The following PCDHGA2 variants were observed in gnomAD, a reference collection of about 807,000 sequenced individuals.
The protein encoded by PCDHGA2 is protocadherin gamma-A2.
PCDHGA2 carries 40 observed loss-of-function variants against 59.2 expected under a neutral mutation model. The ratio of observed to expected loss-of-function variants is 0.68; its 90% CI spans 0.52 to 0.88. PCDHGA2 has a LOEUF of 0.88. Ranked by LOEUF, PCDHGA2 falls within the 40% of genes least tolerant of loss-of-function variation. PCDHGA2 has a pLI of 0.00. For synonymous variants in PCDHGA2, 560 were observed against 526.0 expected (o/e 1.06, Z -0.89); for missense variants, 1,226 against 1,204.0 (o/e 1.02, Z -0.27).
At chr5:141,345,627 G>A in intron 1 of PCDHGA2, 1 of 1,614,188 alleles carries the variant, frequency 6.2e-7, no homozygotes, top group South Asian at 1.1e-5. Context: ...AAAGCTACTG[G>A]TGACAGCCAG....
intron 1 of PCDHGA2, chr5:141,395,395 T>TA: frequency 1.1e-6 from 1 of 906,424 alleles, no homozygotes; most frequent in Non-Finnish European, 1.6e-6. Flanking sequence ...AATTGAACTC[T>TA]AATAGTCATA....
At chr5:141,414,143 T>C (rs887054185) in intron 1 of PCDHGA2, 1 of 1,597,122 alleles carries the variant, frequency 6.3e-7, no homozygotes, top group Non-Finnish European at 8.5e-7. Flanking sequence ...GAAATAGAAA[T>C]ACAAGCAGAA....
intron 1 of PCDHGA2, among the ~76,000 whole-genome samples, chr5:141,483,517 CCTGA>C (rs72004558): frequency 0.16 from 24,470 of 151,950 alleles, 2,064 homozygotes; most frequent in African/African-American, 0.21. Context: ...CCCCCTAGAT[CCTGA>C]CTAAGGAAGC....
intron 1 of PCDHGA2, chr5:141,360,597 T>G: frequency 6.2e-7 from 1 of 1,614,020 alleles, no homozygotes; most frequent in Non-Finnish European, 8.5e-7. Context: ...CATTTCCACT[T>G]GACCCAGCCC....
intron 1 of PCDHGA2, chr5:141,370,493 C>G (rs1766963233): frequency 5.6e-6 from 9 of 1,613,944 alleles, no homozygotes; most frequent in Non-Finnish European, 7.6e-6. Flanking sequence ...CCGAACCGAT[C>G]CGCTACGCTA....
At chr5:141,389,997 A>T (rs1278035747) in intron 1 of PCDHGA2, 1 of 1,613,962 alleles carries the variant, frequency 6.2e-7, no homozygotes, top group Non-Finnish European at 8.5e-7. Flanking sequence ...CCTCGTGGCC[A>T]TGATTCTGGC....
chr5:141,404,165 T>C, intron 1 of PCDHGA2: 1 of 1,613,246 alleles, frequency 6.2e-7, no homozygotes, highest in South Asian at 1.1e-5. Flanking sequence ...TTACAGATTG[T>C]TGACGGCCCA....
intron 1 of PCDHGA2, chr5:141,394,897 T>C (rs773335725): frequency 3.1e-6 from 5 of 1,613,682 alleles, no homozygotes; most frequent in Non-Finnish European, 4.2e-6. Flanking sequence ...TATCTCGTGG[T>C]GGCAGTGGCT....
In PCDHGA2 at chr5:141,394,383, C is replaced by G. The variant is rs2092989606; in HGVS notation, c.2424+52988C>G. The G allele has an allele frequency of 3.1e-6, 5 of 1,614,118 alleles. No homozygotes were observed. In the Admixed American group the frequency reaches 5.0e-5, roughly 16 times the overall value. ...TGCGCTGCAATCTTTCGACTATGAG[C>G]AGATCCGAGACCTGCAGCTACTGGT... On this transcript the variant is annotated intron_variant, in intron 1 of 3. Transcript: ENST00000394576.
Position 141,477,128 on chromosome 5 carries a change from G to C in PCDHGA2, c.2425-17679G>C. On this transcript the variant is annotated intron_variant, in intron 1 of 3. Transcript: ENST00000394576. The surrounding 1 kb of genome is among the most constrained non-coding windows in gnomAD (Gnocchi z 4.9). ...CAATCCCGAAGGAGCACATTGCAAA[G>C]TGTTGGTGGAGGTTGTGGATGTGAA... 1.9e-6 allele frequency: 3 copies of C among 1,614,250 alleles called. No homozygotes were observed. The highest frequency in any genetic ancestry group is 2.5e-6 in the Non-Finnish European group (3 of 1,180,046).
chr5:141,477,794 C>G lies in PCDHGA2; in HGVS notation c.2425-17013C>G, dbSNP rs148942362. The G allele has an allele frequency of 6.2e-7, 1 of 1,614,086 alleles. No individual in the cohort carries two copies. The highest frequency in any genetic ancestry group is 1.1e-5 in the South Asian group (1 of 91,082). On this transcript the variant is annotated intron_variant, in intron 1 of 3. Transcript: ENST00000394576. This position sits in a 1 kb window ranked among gnomAD's most constrained non-coding sequence, Gnocchi z 4.9. ...CAGCGTGAACATATTTGTCACTGAT[C>G]GCAATGACAATGCCCCCCAGGTCCT...
At chr5:141,497,013 A>G (rs2099773320) in intron 2 of PCDHGA2, among the ~76,000 whole-genome samples, 1 of 151,990 alleles carries the variant, frequency 6.6e-6, no homozygotes, top group Admixed American at 6.6e-5. Context: ...ACATGGTGAA[A>G]CCCCATCTCG....
At chr5:141,418,802 T>G (rs775155011) in intron 1 of PCDHGA2, 1 of 1,613,862 alleles carries the variant, frequency 6.2e-7, no homozygotes, top group Non-Finnish European at 8.5e-7. Flanking sequence ...AGTAGAAAGA[T>G]ATACGATAAA....
intron 1 of PCDHGA2, chr5:141,355,682 A>T: frequency 6.2e-7 from 1 of 1,613,982 alleles, no homozygotes. Context: ...TTTGATCCGG[A>T]TGTAGGTGTA....
At chr5:141,403,979 A>G in intron 1 of PCDHGA2, 1 of 1,613,932 alleles carries the variant, frequency 6.2e-7, no homozygotes, top group Non-Finnish European at 8.5e-7. Context: ...TGTAAATGAC[A>G]ATAGACCTGA....
At chr5:141,399,684 G>T in intron 1 of PCDHGA2, 1 of 1,613,538 alleles carries the variant, frequency 6.2e-7, no homozygotes, top group Non-Finnish European at 8.5e-7. Context: ...TTGACTACGA[G>T]CAGCTGCGCA....
intron 1 of PCDHGA2, chr5:141,383,013 G>T: frequency 6.2e-7 from 1 of 1,613,828 alleles, no homozygotes; most frequent in South Asian, 1.1e-5. Context: ...TGTCGGAGGA[G>T]ACGGACAAAG....
intron 1 of PCDHGA2, chr5:141,427,083 C>T: frequency 2.2e-6 from 1 of 458,128 alleles, no homozygotes; most frequent in South Asian, 1.5e-5. Flanking sequence ...AGCCACTGAC[C>T]AGGATGAGGG....
intron 1 of PCDHGA2, among the ~76,000 whole-genome samples, chr5:141,401,210 C>T (rs1038078572): frequency 3.9e-5 from 6 of 151,956 alleles, no homozygotes; most frequent in Non-Finnish European, 5.9e-5. Flanking sequence ...GGTGTGGTGG[C>T]GGGCGCCTGT....
Sources: gnomAD v4.1 joint callset for allele counts (sites outside exome capture counted in the v4.1 genomes callset) on GRCh38, gnomAD v4.1.1 for gene constraint, Gnocchi (gnomAD v3.1) non-coding constraint, MANE v1.5 for transcripts, NCBI Gene and HGNC (gene_info 2026-07-23, HGNC 2026-07-21) for gene names.